Variants in DDAH1 observed in about 807,000 individuals in gnomAD.
The protein encoded by DDAH1 is dimethylarginine dimethylaminohydrolase 1.
In DDAH1, 19 loss-of-function variants were observed where a neutral mutation model predicts 28.8. That is an observed-to-expected ratio of 0.66 (90% CI 0.46 to 0.97). The LOEUF is 0.97. DDAH1 is among the 50% of genes least tolerant of loss of function. DDAH1 has a pLI of 0.00. For synonymous variants in DDAH1, 153 were observed against 154.4 expected, an observed-to-expected ratio of 0.99 and a Z score of 0.07; for missense variants, 326 against 375.9, an observed-to-expected ratio of 0.87 and a Z score of 1.10.
At chr1:85,477,574 C>G (rs1655844709) in intron 2 of DDAH1, among the ~76,000 whole-genome samples, 2 of 152,006 alleles carry the variant, frequency 1.3e-5, no homozygotes, top group South Asian at 4.2e-4. Flanking sequence ...CCAAGATTAT[C>G]CTGCTCTTTA....
intron 1 of DDAH1, among the ~76,000 whole-genome samples, chr1:85,511,122 T>G (rs115035721): frequency 0.024 from 3,612 of 152,222 alleles, 139 homozygotes; most frequent in African/African-American, 0.079. Context: ...TCAGCAAATA[T>G]GAAAGACCAG....
At chr1:85,453,145 A>G (rs985467633) in intron 1 of DDAH1, among the ~76,000 whole-genome samples, 7 of 152,162 alleles carry the variant, frequency 4.6e-5, no homozygotes, top group Non-Finnish European at 8.8e-5. Flanking sequence ...CCAACAAGCT[A>G]TATCTTGTGT....
At chr1:85,565,523 A>G (rs1052234019) in intron 1 of DDAH1, among the ~76,000 whole-genome samples, 2 of 152,206 alleles carry the variant, frequency 1.3e-5, no homozygotes, top group African/African-American at 4.8e-5. Flanking sequence ...GATTGACTCT[A>G]TGAACTATTT....
intron 1 of DDAH1, among the ~76,000 whole-genome samples, chr1:85,383,119 G>C (rs531436848): frequency 6.6e-6 from 1 of 152,290 alleles, no homozygotes; most frequent in South Asian, 2.1e-4. Context: ...GGCTATTGCT[G>C]CCAAAACTGT....
At chr1:85,390,741 C>A (rs576742201) in intron 1 of DDAH1, among the ~76,000 whole-genome samples, 1 of 152,252 alleles carries the variant, frequency 6.6e-6, no homozygotes, top group South Asian at 2.1e-4. Flanking sequence ...CTCTGAGAGA[C>A]CCAAAATCCA....
chr1:85,407,095 A>T (rs1243389466), intron 1 of DDAH1, among the ~76,000 whole-genome samples: 2 of 152,138 alleles, frequency 1.3e-5, no homozygotes. Context: ...ATATTTCTGA[A>T]GAGTTATGAG....
chr1:85,505,706 T>G (rs947672525), intron 1 of DDAH1, among the ~76,000 whole-genome samples: 1 of 152,228 alleles, frequency 6.6e-6, no homozygotes, highest in Admixed American at 6.5e-5. Context: ...CTATTATCAT[T>G]ATCTGAGATT....
At chr1:85,425,118 A>C (rs1653335902) in intron 1 of DDAH1, among the ~76,000 whole-genome samples, 1 of 152,110 alleles carries the variant, frequency 6.6e-6, no homozygotes, top group Admixed American at 6.6e-5. Context: ...GTGAGCTGTC[A>C]TGTCACATTA....
chr1:85,321,395 C>A lies in DDAH1; in HGVS notation c.*57G>T. On this transcript the variant is annotated 3_prime_UTR_variant, in exon 6 of 6. Coordinates refer to ENST00000284031, the MANE Select transcript of DDAH1 (RefSeq NM_012137.4). The stretch of plus-strand genomic sequence containing the variant: ...TCAAGGAAAACAACAGGAGTGGGCA[C>A]AGAGTCATCGGCCTTGCCTGTGCGG... 9.2e-7 allele frequency: 1 copy of A among 1,085,656 alleles called. No individual in the cohort carries two copies. The highest frequency in any genetic ancestry group is 1.4e-6 in the Non-Finnish European group (1 of 700,860). 67.3% of individuals were successfully genotyped at this position (1,085,656 alleles called of 1,614,324 possible).
rs1198016732 is a variant in DDAH1 at position 85,535,328 on chromosome 1, G to C, written c.-122-39047C>G. On this transcript the variant is annotated intron_variant, in intron 1 of 6. Coordinates refer to the DDAH1 transcript ENST00000426972. ...GAAAGAAGTTGCACAATGCTTCTTA[G>C]GAAGTTGTTCCAATATTCCTCCCAG... Among the ~76,000 whole-genome samples, 15 of 143,360 alleles carry C rather than the reference G, an allele frequency of 1.0e-4. No individual in the cohort carries two copies. In the East Asian group the frequency reaches 3.1e-3, roughly 29 times the overall value. The allele number at this position is 143,360 out of a possible 152,430, so 94.0% of individuals were successfully genotyped here.
chr1:85,513,422 A>T (rs1240757), intron 1 of DDAH1, among the ~76,000 whole-genome samples: 61,761 of 151,900 alleles, frequency 0.41, 14,440 homozygotes, highest in South Asian at 0.65. Context: ...AGGCAATACC[A>T]TTCAGGACAC....
chr1:85,504,428 TCTC>T (rs1656933864), intron 1 of DDAH1, among the ~76,000 whole-genome samples: 1 of 151,890 alleles, frequency 6.6e-6, no homozygotes, highest in Non-Finnish European at 1.5e-5. Flanking sequence ...TGTGATAAAA[TCTC>T]CTGGGTCACT....
chr1:85,482,991 G>A lies in DDAH1; in HGVS notation c.-7+13175C>T, dbSNP rs1181850366. On this transcript the variant is annotated intron_variant, in intron 2 of 6. Coordinates refer to the DDAH1 transcript ENST00000426972. ...TGTAATCCCAACACTTTGGGAGGCC[G>A]AGGTGGGCAGATCACCTGAGGTCAG... Among the ~76,000 whole-genome samples the A allele has an allele frequency of 5.3e-5, 8 of 152,242 alleles. No homozygotes were observed. The South Asian group carries it at 1.0e-3, about 20-fold the overall frequency.
Position 85,528,610 on chromosome 1 carries a change from A to C in DDAH1, c.-122-32329T>G, listed in dbSNP as rs555892413. ...GCAATCCCTTCTTTGCTTTTTAAAGAACATTTTTTGCAACTTTTCAAACTT... is the reference window on the plus strand; with the variant it reads ...GCAATCCCTTCTTTGCTTTTTAAAGCACATTTTTTGCAACTTTTCAAACTT... On this transcript the variant is annotated intron_variant, in intron 1 of 6. Coordinates refer to the DDAH1 transcript ENST00000426972. 7.3e-4 allele frequency among the ~76,000 whole-genome samples: 111 copies of C among 152,086 alleles called. 1 individual carries two copies. Among genetic ancestry groups the C allele is most frequent in the African/African-American group, 2.2e-3 (91 of 41,492 alleles).
chr1:85,428,778 G>A (rs939549906), intron 1 of DDAH1, among the ~76,000 whole-genome samples: 4 of 152,064 alleles, frequency 2.6e-5, no homozygotes, highest in African/African-American at 9.7e-5. Flanking sequence ...GCTTTATTCA[G>A]GAAGATCAAG....
intron 1 of DDAH1, among the ~76,000 whole-genome samples, chr1:85,450,189 C>T (rs1031209347): frequency 1.2e-4 from 19 of 152,194 alleles, no homozygotes; most frequent in African/African-American, 4.3e-4. Flanking sequence ...ATGCTTATCT[C>T]TCCAATTAAA....
intron 1 of DDAH1, among the ~76,000 whole-genome samples, chr1:85,428,124 C>CCAAGT (rs1341871182): frequency 6.6e-6 from 1 of 152,170 alleles, no homozygotes; most frequent in Non-Finnish European, 1.5e-5. Context: ...AAGATCCTTC[C>CCAAGT]AGTTATCCAT....
chr1:85,571,055 C>G (rs776058082), intron 1 of DDAH1, among the ~76,000 whole-genome samples: 7 of 152,208 alleles, frequency 4.6e-5, no homozygotes, highest in Non-Finnish European at 8.8e-5. Flanking sequence ...CTTAACTTCT[C>G]TGAGCCTTCA....
intron 1 of DDAH1, among the ~76,000 whole-genome samples, chr1:85,389,350 C>A (rs1651430111): frequency 1.3e-5 from 2 of 152,140 alleles, no homozygotes; most frequent in Non-Finnish European, 2.9e-5. Flanking sequence ...GCATGGTGAC[C>A]TACTCAGTAA....
Sources: gnomAD v4.1 joint callset for allele counts (sites outside exome capture counted in the v4.1 genomes callset) on GRCh38, gnomAD v4.1.1 for gene constraint, MANE v1.5 for transcripts, NCBI Gene and HGNC (gene_info 2026-07-23, HGNC 2026-07-21) for gene names.